LRP1B: variants seen among roughly 807,000 people sequenced by gnomAD.
LRP1B encodes the protein low-density lipoprotein receptor-related protein 1B.
A neutral mutation model predicts 556.6 loss-of-function variants in LRP1B; 217 were observed. The observed-to-expected ratio is 0.39, with a 90% CI of 0.35 to 0.44. LRP1B has a LOEUF of 0.44. LRP1B is among the 20% of genes least tolerant of loss of function. The pLI is 1.00. For synonymous variants in LRP1B, 2,047 were observed against 1,865.8 expected (o/e 1.10, Z -2.50); for missense variants, 5,053 against 5,620.8 (o/e 0.90, Z 3.23).
intron 1 of LRP1B, among the ~76,000 whole-genome samples, chr2:141,974,908 T>G (rs1265538386): frequency 6.6e-6 from 1 of 152,078 alleles, no homozygotes; most frequent in Non-Finnish European, 1.5e-5. Context: ...TTGCCCAGAC[T>G]TCTCATAATT....
chr2:140,490,273 T>C (rs931096724), intron 57 of LRP1B, among the ~76,000 whole-genome samples: 1 of 152,148 alleles, frequency 6.6e-6, no homozygotes, highest in African/African-American at 2.4e-5. Flanking sequence ...GGAAAGGTAC[T>C]TGATTAATTT....
chr2:140,353,282 C>T (rs1682057155), intron 75 of LRP1B, among the ~76,000 whole-genome samples: 1 of 152,006 alleles, frequency 6.6e-6, no homozygotes, highest in Non-Finnish European at 1.5e-5. Flanking sequence ...ATTGTCATTG[C>T]TTTTATTAAT....
intron 7 of LRP1B, among the ~76,000 whole-genome samples, chr2:141,153,520 C>T (rs1368781875): frequency 8.6e-6 from 1 of 115,868 alleles, no homozygotes; most frequent in African/African-American, 3.3e-5. Flanking sequence ...TATATATAAG[C>T]TATATATTTA....
chr2:141,110,233 CA>C (rs1460940038), intron 7 of LRP1B, among the ~76,000 whole-genome samples: 1 of 151,782 alleles, frequency 6.6e-6, no homozygotes, highest in Non-Finnish European at 1.5e-5. Context: ...CACATAAAGC[CA>C]AAGGATATAA....
intron 41 of LRP1B, among the ~76,000 whole-genome samples, chr2:140,612,886 A>C (rs903927107): frequency 6.6e-6 from 1 of 152,076 alleles, no homozygotes. Context: ...GAAGGAGCAG[A>C]AGCATGGACT....
At chr2:140,559,168 C>A (rs1347976859) in intron 43 of LRP1B, among the ~76,000 whole-genome samples, 1 of 151,808 alleles carries the variant, frequency 6.6e-6, no homozygotes, top group African/African-American at 2.4e-5. Flanking sequence ...ATACAGTATG[C>A]AAATCTAGAC....
intron 3 of LRP1B, among the ~76,000 whole-genome samples, chr2:141,421,339 T>TAAA (rs1212845226): frequency 4.6e-5 from 7 of 151,754 alleles, no homozygotes; most frequent in Non-Finnish European, 8.8e-5. Flanking sequence ...CCATCCCGGC[T>TAAA]AAAACGGTGA....
chr2:140,423,396 T>A (rs905214040), intron 66 of LRP1B, among the ~76,000 whole-genome samples: 8 of 152,138 alleles, frequency 5.3e-5, no homozygotes, highest in African/African-American at 1.7e-4. Flanking sequence ...TTTCAATACA[T>A]TGAAGCAAAT....
intron 5 of LRP1B, among the ~76,000 whole-genome samples, chr2:141,233,793 C>G (rs142235043): frequency 0.015 from 2,214 of 151,940 alleles, 54 homozygotes; most frequent in African/African-American, 0.046. Context: ...GGCTAGTTTC[C>G]TTCTAAGTGA....
At chr2:140,697,904 C>T (rs778094921) in intron 41 of LRP1B, among the ~76,000 whole-genome samples, 5 of 152,004 alleles carry the variant, frequency 3.3e-5, no homozygotes, top group Admixed American at 6.6e-5. Context: ...GAATTGTACA[C>T]TTAAAAATGG....
At chr2:140,274,958 T>C (rs1330502976) in intron 84 of LRP1B, among the ~76,000 whole-genome samples, 3 of 152,032 alleles carry the variant, frequency 2.0e-5, no homozygotes, top group Non-Finnish European at 4.4e-5. Flanking sequence ...TTGGATGTCA[T>C]TTATTGTTGC....
At chr2:141,326,365 C>T (rs1009726551) in intron 3 of LRP1B, among the ~76,000 whole-genome samples, 1 of 151,438 alleles carries the variant, frequency 6.6e-6, no homozygotes, top group Admixed American at 6.6e-5. Context: ...TAAGTTAACT[C>T]GATAAAGGAA....
At chr2:142,047,326 T>C (rs1704295485) in intron 1 of LRP1B, among the ~76,000 whole-genome samples, 1 of 151,958 alleles carries the variant, frequency 6.6e-6, no homozygotes, top group African/African-American at 2.4e-5. Flanking sequence ...AGTCACATAA[T>C]ATGAAATCAA....
intron 41 of LRP1B, among the ~76,000 whole-genome samples, chr2:140,691,198 G>A (rs1467879863): frequency 6.6e-6 from 1 of 152,076 alleles, no homozygotes; most frequent in African/African-American, 2.4e-5. Flanking sequence ...TTGGCAGGGC[G>A]CGGTGGCTCA....
chr2:140,594,958 A>AT, intron 43 of LRP1B, among the ~76,000 whole-genome samples: 1 of 151,540 alleles, frequency 6.6e-6, no homozygotes, highest in East Asian at 1.9e-4. Flanking sequence ...CCTAAATATC[A>AT]TTCTTTCTAA....
At chr2:141,922,891 G>A (rs1318853754) in intron 1 of LRP1B, among the ~76,000 whole-genome samples, 1 of 152,050 alleles carries the variant, frequency 6.6e-6, no homozygotes, top group Non-Finnish European at 1.5e-5. Context: ...CTTGAACTCA[G>A]GAGTTCAAGA....
chr2:141,418,926 CATTG>C (rs1236265136), intron 3 of LRP1B, among the ~76,000 whole-genome samples: 3 of 151,900 alleles, frequency 2.0e-5, no homozygotes, highest in African/African-American at 7.2e-5. Context: ...TGCTTTGCCT[CATTG>C]ATTAAGTTTA....
intron 3 of LRP1B, among the ~76,000 whole-genome samples, chr2:141,372,996 C>A (rs1308419786): frequency 6.6e-6 from 1 of 151,912 alleles, no homozygotes; most frequent in Non-Finnish European, 1.5e-5. Context: ...TTGATGTATG[C>A]ATTTATTGCT....
At chr2:141,337,838 A>G (rs1175859060) in intron 3 of LRP1B, among the ~76,000 whole-genome samples, 1 of 152,218 alleles carries the variant, frequency 6.6e-6, no homozygotes, top group Non-Finnish European at 1.5e-5. Context: ...TTGAAAAACC[A>G]TCTAAAGTCT....
Sources: allele counts gnomAD v4.1 joint callset (sites outside exome capture counted in the v4.1 genomes callset), GRCh38; gene constraint gnomAD v4.1.1; transcripts MANE v1.5; gene names NCBI Gene and HGNC (gene_info 2026-07-23, HGNC 2026-07-21).